The following COLGALT2 variants were observed in gnomAD, a reference collection of about 807,000 sequenced individuals.
The protein encoded by COLGALT2 is procollagen galactosyltransferase 2.
Under a neutral mutation model 73.4 loss-of-function variants are expected in COLGALT2, and 49 were observed. The observed-to-expected ratio is 0.67, with a 90% CI of 0.53 to 0.85. The LOEUF is 0.85. Among genes scored for constraint, COLGALT2 ranks in the 40% least tolerant of loss-of-function variants. The pLI is 0.00. For synonymous variants in COLGALT2, 295 were observed against 307.6 expected, an observed-to-expected ratio of 0.96 and a Z score of 0.43; for missense variants, 722 against 790.2, an observed-to-expected ratio of 0.91 and a Z score of 1.03.
intron 1 of COLGALT2, among the ~76,000 whole-genome samples, chr1:184,009,325 A>T (rs1672171853): frequency 6.6e-6 from 1 of 152,236 alleles, no homozygotes; most frequent in South Asian, 2.1e-4. Context: ...TAAGAGATTG[A>T]CATTTTCGTA....
chr1:184,024,558 G>A (rs1649274307), intron 1 of COLGALT2, among the ~76,000 whole-genome samples: 1 of 151,182 alleles, frequency 6.6e-6, no homozygotes, highest in Admixed American at 6.6e-5. Flanking sequence ...CACCATGTTG[G>A]TCAGATTGGT....
At chr1:184,008,854 T>G (rs12074682) in intron 1 of COLGALT2, among the ~76,000 whole-genome samples, 29,505 of 152,104 alleles carry the variant, frequency 0.19, 5,158 homozygotes, top group African/African-American at 0.47. Flanking sequence ...GCATGAGGTT[T>G]GCAAACTATC....
chr1:183,931,395 C>G (rs989634089), downstream of COLGALT2, among the ~76,000 whole-genome samples: 8 of 152,172 alleles, frequency 5.3e-5, no homozygotes, highest in African/African-American at 1.9e-4. Flanking sequence ...CACCTACTAT[C>G]CTGAGCATCA....
At chr1:184,025,860 T>C (rs1926876) in intron 1 of COLGALT2, among the ~76,000 whole-genome samples, 2,121 of 152,336 alleles carry the variant, frequency 0.014, 53 homozygotes, top group African/African-American at 0.047. Context: ...TATGCAGTTA[T>C]GTGAACATTC....
intron 1 of COLGALT2, among the ~76,000 whole-genome samples, chr1:183,993,472 G>A (rs1671685757): frequency 6.6e-6 from 1 of 152,212 alleles, no homozygotes; most frequent in South Asian, 2.1e-4. Context: ...AATCCAGCAA[G>A]AGGATTTGGT....
chr1:184,020,490 T>G (rs978218637), intron 1 of COLGALT2, among the ~76,000 whole-genome samples: 2 of 152,176 alleles, frequency 1.3e-5, no homozygotes, highest in African/African-American at 2.4e-5. Flanking sequence ...AAACCTTCTT[T>G]GTTGTTTTCC....
At position 183,935,998 on chromosome 1, in the gene COLGALT2, C is replaced by CGGGG. The variant is rs3834760; in HGVS notation, c.*2759_*2762dup. On this transcript the variant is annotated 3_prime_UTR_variant, in exon 12 of 12. Coordinates refer to ENST00000361927, the MANE Select transcript of COLGALT2 (RefSeq NM_015101.4). ...GCAGCAGGCCTGAATGAACCGCAAGCGGGGCCCATGCAGCGTGTCCTCTGC... is the reference window on the plus strand; with the variant it reads ...GCAGCAGGCCTGAATGAACCGCAAGCGGGGGGGGCCCATGCAGCGTGTCCTCTGC... The CGGGG allele has an allele frequency of 1.0e-6, 1 of 985,256 alleles. No individual in the cohort carries two copies. Among genetic ancestry groups the CGGGG allele is most frequent in the Non-Finnish European group, 1.2e-6 (1 of 829,946 alleles). 61.0% of individuals were successfully genotyped at this position (985,256 alleles called of 1,614,324 possible).
intron 1 of COLGALT2, among the ~76,000 whole-genome samples, chr1:183,992,467 G>T (rs1365006678): frequency 6.6e-6 from 1 of 152,206 alleles, no homozygotes; most frequent in Non-Finnish European, 1.5e-5. Flanking sequence ...TCAGCTTAGA[G>T]TCCCCATGGG....
chr1:184,030,932 T>C (rs1391284821), intron 1 of COLGALT2, among the ~76,000 whole-genome samples: 1 of 152,230 alleles, frequency 6.6e-6, no homozygotes, highest in Non-Finnish European at 1.5e-5. Flanking sequence ...AGATGCCTCA[T>C]CATGGAACTC....
Position 184,037,289 on chromosome 1 carries a change from T to A in COLGALT2, c.69A>T (p.Glu23Asp). The A allele has an allele frequency of 6.5e-7, 1 of 1,546,520 alleles. No homozygotes were observed. Among genetic ancestry groups the A allele is most frequent in the Non-Finnish European group, 8.7e-7 (1 of 1,147,610 alleles). Residue 23 changes from glutamate to aspartate, a missense_variant, in exon 1 of 12, where the codon GAA (glutamate) becomes GAT (aspartate). Glu to Asp is a conservative substitution (Grantham distance 45, BLOSUM62 2). Coordinates refer to ENST00000361927, the MANE Select transcript of COLGALT2 (RefSeq NM_015101.4). ...LLLLSSALLR[E>D]GCRARFVAER... ...CGGCGACGAAGCGCGCTCGGCAGCC[T>A]TCGCGGAGCAGGGCTGAGGAGAGGA...
rs993672617 is a variant in COLGALT2 at position 183,972,858 on chromosome 1, C to A, written c.627+758G>T. Among the ~76,000 whole-genome samples the A allele has an allele frequency of 2.2e-4, 33 of 152,246 alleles. 1 individual carries two copies. Among genetic ancestry groups the A allele is most frequent in the Admixed American group, 2.1e-3 (32 of 15,298 alleles). The stretch of plus-strand genomic sequence containing the variant: ...GGGACTATAGGCGCCCAACACCACG[C>A]CTGGCTAATTTTTTATATTTTTAGT... On this transcript the variant is annotated intron_variant, in intron 4 of 11. Transcript: ENST00000361927.
intron 1 of COLGALT2, among the ~76,000 whole-genome samples, chr1:184,004,126 A>C (rs954152208): frequency 2.0e-5 from 3 of 152,176 alleles, no homozygotes; most frequent in Non-Finnish European, 4.4e-5. Context: ...CCTTCACTTC[A>C]CATCTTCCAA....
At chr1:183,981,683 CA>C (rs1671356184) in intron 1 of COLGALT2, among the ~76,000 whole-genome samples, 1 of 152,074 alleles carries the variant, frequency 6.6e-6, no homozygotes, top group South Asian at 2.1e-4. Flanking sequence ...AAATAAAACA[CA>C]AAAAACTCCT....
At chr1:183,933,304 C>T (rs920055251), downstream of COLGALT2, among the ~76,000 whole-genome samples, 1 of 152,178 alleles carries the variant, frequency 6.6e-6, no homozygotes, top group Non-Finnish European at 1.5e-5. Flanking sequence ...GCTCTGAGCA[C>T]CAGGACTTTG....
intron 7 of COLGALT2, among the ~76,000 whole-genome samples, 172 bp downstream of exon 7, chr1:183,954,590 A>G (rs1330790017): frequency 1.3e-5 from 2 of 152,222 alleles, no homozygotes; most frequent in Non-Finnish European, 2.9e-5. Context: ...TTTTTAAGAT[A>G]AGGAAACTGA....
At chr1:183,944,405 ACGAGT>A (rs1377185359) in intron 9 of COLGALT2, 82 bp from the exon 10 acceptor site, 1 of 1,478,354 alleles carries the variant, frequency 6.8e-7, no homozygotes, top group African/African-American at 1.4e-5. Context: ...TTAAAAAGTC[ACGAGT>A]CTAGTAGCAC....
intron 10 of COLGALT2, 113 bp downstream of exon 10, chr1:183,944,083 T>C: frequency 8.1e-7 from 1 of 1,232,852 alleles, no homozygotes; most frequent in Non-Finnish European, 1.1e-6. Flanking sequence ...GAAAACTAGA[T>C]AAGTGGAAGC....
At chr1:184,004,087 T>C (rs1672003320) in intron 1 of COLGALT2, among the ~76,000 whole-genome samples, 1 of 152,214 alleles carries the variant, frequency 6.6e-6, no homozygotes, top group Non-Finnish European at 1.5e-5. Flanking sequence ...ATTTTTTTAA[T>C]CATAGATTAA....
At chr1:184,000,606 C>T (rs1215392671) in intron 1 of COLGALT2, among the ~76,000 whole-genome samples, 1 of 141,636 alleles carries the variant, frequency 7.1e-6, no homozygotes, top group Non-Finnish European at 1.5e-5. Context: ...TAAGATCCAC[C>T]CACGTGTTTA....
Sources: gnomAD v4.1 joint callset for allele counts (sites outside exome capture counted in the v4.1 genomes callset) on GRCh38, gnomAD v4.1.1 for gene constraint, MANE v1.5 for transcripts, NCBI Gene and HGNC (gene_info 2026-07-23, HGNC 2026-07-21) for gene names.